The following RUNX2 variants were observed in gnomAD, a reference collection of about 807,000 sequenced individuals.
RUNX2 encodes the protein RUNX family transcription factor 2.
In RUNX2, 10 loss-of-function variants were observed where a neutral mutation model predicts 51.7. That is an observed-to-expected ratio of 0.19 (90% confidence interval 0.12 to 0.33). RUNX2 has a LOEUF of 0.33. Among genes scored for constraint, RUNX2 ranks in the 10% least tolerant of loss-of-function variants. RUNX2 has a pLI of 1.00. For synonymous variants in RUNX2, 276 were observed against 273.6 expected (o/e 1.01, Z -0.09); for missense variants, 562 against 691.3 (o/e 0.81, Z 2.10).
chr6:45,355,338 C>T (rs1442237507), intron 2 of RUNX2, among the ~76,000 whole-genome samples: 1 of 151,692 alleles, frequency 6.6e-6, no homozygotes, highest in Non-Finnish European at 1.5e-5. Flanking sequence ...CTAATTTTTT[C>T]CTTTTCAGAA....
chr6:45,521,084 G>A (rs768653234), intron 7 of RUNX2, among the ~76,000 whole-genome samples: 13 of 152,118 alleles, frequency 8.5e-5, no homozygotes, highest in Non-Finnish European at 1.8e-4. Flanking sequence ...TAAGGACAGT[G>A]GCTATGTTTT....
At chr6:45,482,197 T>A (rs553862484) in intron 5 of RUNX2, among the ~76,000 whole-genome samples, 384 of 152,352 alleles carry the variant, frequency 2.5e-3, no homozygotes, top group South Asian at 0.015. Flanking sequence ...CCAATCTTTT[T>A]AAAAAATTTT....
At chr6:45,431,804 TC>T in intron 3 of RUNX2, 58 bp from the exon 4 acceptor site, 1 of 1,571,366 alleles carries the variant, frequency 6.4e-7, no homozygotes. Flanking sequence ...GAGAATATAT[TC>T]TGTTTGTAAG....
At chr6:45,372,871 G>A (rs1363984214) in intron 2 of RUNX2, among the ~76,000 whole-genome samples, 1 of 152,048 alleles carries the variant, frequency 6.6e-6, no homozygotes, top group African/African-American at 2.4e-5. Flanking sequence ...AGGCTGTAGT[G>A]TAATGGCACA....
intron 2 of RUNX2, among the ~76,000 whole-genome samples, chr6:45,400,728 T>G (rs906170554): frequency 3.3e-5 from 5 of 152,200 alleles, no homozygotes; most frequent in African/African-American, 1.2e-4. Context: ...TTTCTATTAT[T>G]GAAAGACACC....
At chr6:45,494,211 A>G (rs1800573255) in intron 6 of RUNX2, among the ~76,000 whole-genome samples, 1 of 152,196 alleles carries the variant, frequency 6.6e-6, no homozygotes. Context: ...TGTGCCACAA[A>G]TGCATCTGAG....
At position 45,331,843 on chromosome 6, in the gene RUNX2, T is replaced by C. The variant is rs540125001; in HGVS notation, c.58+3059T>C. 5.3e-5 allele frequency among the ~76,000 whole-genome samples: 8 copies of C among 152,080 alleles called. No homozygotes were observed. The South Asian group carries it at 1.7e-3, about 32-fold the overall frequency. On this transcript the variant is annotated intron_variant, in intron 2 of 8. Coordinates refer to ENST00000647337, the MANE Select transcript of RUNX2 (RefSeq NM_001024630.4). ...AATATTAATTTATTCAATTACTCTCTTCCAGCTAACAACTGATAGTTTGAC... is the reference window on the plus strand; with the variant it reads ...AATATTAATTTATTCAATTACTCTCCTCCAGCTAACAACTGATAGTTTGAC...
At position 45,417,547 on chromosome 6, in the gene RUNX2, A is replaced by T. The variant is rs554656723; in HGVS notation, c.59-5046A>T. On this transcript the variant is annotated intron_variant, in intron 2 of 8. Coordinates refer to ENST00000647337, the MANE Select transcript of RUNX2 (RefSeq NM_001024630.4). The stretch of plus-strand genomic sequence containing the variant: ...ACTAATCTGAACCACATGCACACCC[A>T]TTCCAGTATCTTTATAAAATATCTA... 7.8e-4 allele frequency among the ~76,000 whole-genome samples: 119 copies of T among 152,348 alleles called. 1 individual carries two copies. Among genetic ancestry groups the T allele is most frequent in the African/African-American group, 2.1e-3 (87 of 41,602 alleles).
chr6:45,388,439 T>C (rs957551035), intron 2 of RUNX2, among the ~76,000 whole-genome samples: 1 of 152,214 alleles, frequency 6.6e-6, no homozygotes, highest in African/African-American at 2.4e-5. Flanking sequence ...ACTTGCAGCA[T>C]CTGCTTCTCG....
intron 3 of RUNX2, among the ~76,000 whole-genome samples, chr6:45,428,132 A>G (rs60180065): frequency 0.022 from 3,301 of 152,250 alleles, 123 homozygotes; most frequent in African/African-American, 0.075. Context: ...GATGGAAGCA[A>G]ATTCTAATTT....
chr6:45,499,316 A>C (rs976939407), intron 6 of RUNX2, among the ~76,000 whole-genome samples: 1 of 152,020 alleles, frequency 6.6e-6, no homozygotes, highest in African/African-American at 2.4e-5. Flanking sequence ...TGAGCAGGGA[A>C]TCTGTACAGG....
intron 5 of RUNX2, among the ~76,000 whole-genome samples, chr6:45,473,019 G>C (rs896463535): frequency 6.6e-6 from 1 of 152,192 alleles, no homozygotes; most frequent in Admixed American, 6.5e-5. Context: ...AACCTGGTGT[G>C]AGTTAGCATA....
At chr6:45,333,654 T>G (rs1787963555) in intron 2 of RUNX2, among the ~76,000 whole-genome samples, 1 of 151,392 alleles carries the variant, frequency 6.6e-6, no homozygotes, top group Non-Finnish European at 1.5e-5. Context: ...ACAATCATTT[T>G]TTATATCATT....
At chr6:45,496,785 T>C (rs1428586829) in intron 6 of RUNX2, among the ~76,000 whole-genome samples, 2 of 152,092 alleles carry the variant, frequency 1.3e-5, no homozygotes, top group African/African-American at 4.8e-5. Context: ...GAGGGGACCA[T>C]AAGGGGCTAA....
intron 2 of RUNX2, among the ~76,000 whole-genome samples, chr6:45,406,543 T>C (rs2150354685): frequency 6.6e-6 from 1 of 152,332 alleles, no homozygotes; most frequent in East Asian, 1.9e-4. Context: ...GCCTCCCAAG[T>C]AGCTGGGACT....
At chr6:45,399,391 G>A (rs111517073) in intron 2 of RUNX2, among the ~76,000 whole-genome samples, 8,131 of 104,634 alleles carry the variant, frequency 0.078, 368 homozygotes, top group Middle Eastern at 0.17. Context: ...ATGGAGTCTC[G>A]CTCTGTCACC....
chr6:45,549,657 A>G lies in RUNX2; in HGVS notation c.*2352A>G, dbSNP rs1006572043. On this transcript the variant is annotated 3_prime_UTR_variant, in exon 9 of 9. Transcript: ENST00000647337. Reference sequence around the variant, plus strand: ...AGCCAGTGTCTGGTTACACATTTCAATTTTAATTAATTGACATAAAAATGC... The same window carrying G: ...AGCCAGTGTCTGGTTACACATTTCAGTTTTAATTAATTGACATAAAAATGC... 1 of 318,798 alleles carries G rather than the reference A, an allele frequency of 3.1e-6. No homozygotes were observed. The highest frequency in any genetic ancestry group is 5.7e-6 in the Non-Finnish European group (1 of 176,436). The allele number at this position is 318,798 out of a possible 1,614,324, so 19.7% of individuals were successfully genotyped here. A position where few individuals can be genotyped will look rare whatever the true frequency, so the allele number is the denominator to read the frequency against.
rs568786187 is a variant in RUNX2 at position 45,423,789 on chromosome 6, G to A, written c.423+832G>A. Among the ~76,000 whole-genome samples the A allele has an allele frequency of 5.6e-3, 847 of 152,318 alleles. 6 individuals are homozygous for A. The highest frequency in any genetic ancestry group is 0.038 in the South Asian group (183 of 4,832). On this transcript the variant is annotated intron_variant, in intron 3 of 8. Transcript: ENST00000647337. ...CGCTGGGGCGTCCGCAAGCCCCGAAGCGGGGGCGTTCAGGGGGCCTGGGCG... is the reference window on the plus strand; with the variant it reads ...CGCTGGGGCGTCCGCAAGCCCCGAAACGGGGGCGTTCAGGGGGCCTGGGCG...
chr6:45,331,251 T>C (rs1055811839), intron 2 of RUNX2, among the ~76,000 whole-genome samples: 2 of 152,030 alleles, frequency 1.3e-5, no homozygotes, highest in Non-Finnish European at 2.9e-5. Context: ...TCATTTATCA[T>C]AAATATAGCT....
Sources: allele counts gnomAD v4.1 joint callset (sites outside exome capture counted in the v4.1 genomes callset), GRCh38; gene constraint gnomAD v4.1.1; transcripts MANE v1.5; gene names NCBI Gene and HGNC (gene_info 2026-07-23, HGNC 2026-07-21).